IL12RB2: variants seen among roughly 807,000 people sequenced by gnomAD.
IL12RB2 encodes the protein interleukin-12 receptor subunit beta-2.
In IL12RB2, 82 loss-of-function variants were observed where a neutral mutation model predicts 89.4. The observed-to-expected ratio is 0.92, with a 90% confidence interval of 0.77 to 1.10. The LOEUF (loss-of-function observed/expected upper bound fraction) is 1.10, where lower values mean the gene tolerates loss of function less well. Among genes scored for constraint, IL12RB2 ranks in the 50% least tolerant of loss-of-function variants. The pLI, the probability that IL12RB2 is intolerant of heterozygous loss-of-function variation, is 0.00. For missense variants in IL12RB2, 963 were observed against 1,031.9 expected (o/e 0.93, Z 0.92); for synonymous variants, 368 against 370.1 (o/e 0.99, Z 0.07).
intron 10 of IL12RB2, among the ~76,000 whole-genome samples, chr1:67,366,066 A>G (rs575374838): frequency 1.3e-5 from 2 of 152,328 alleles, no homozygotes; most frequent in Admixed American, 6.5e-5. Flanking sequence ...AGGAAACCCA[A>G]TGGAAATGAG....
intron 1 of IL12RB2, among the ~76,000 whole-genome samples, chr1:67,313,269 T>G (rs1212667958): frequency 2.6e-5 from 4 of 152,332 alleles, no homozygotes; most frequent in Middle Eastern, 3.4e-3. Flanking sequence ...TTTCATCCTC[T>G]TTTGAGGGAG....
At chr1:67,362,909 G>GTTT (rs35903943) in intron 10 of IL12RB2, among the ~76,000 whole-genome samples, 1 of 146,524 alleles carries the variant, frequency 6.8e-6, no homozygotes, top group African/African-American at 2.5e-5. Context: ...TTAATTACTC[G>GTTT]TTTTTTTTTT....
rs917629107 is a variant in IL12RB2 at position 67,321,871 on chromosome 1, G to A, written c.346G>A (p.Ala116Thr). ...INSDEIQICG[A>T]EIFVGVAPEQ... is the part of the protein sequence containing the mutation. ...TAGTGATGAAATTCAAATATGTGGA[G>A]CAGAGATCTTCGTTGGTGGTGAGCA... The change falls in exon 4 of 17, where the codon GCA (alanine) becomes ACA (threonine). Residue 116 changes from alanine to threonine, a missense_variant. Coordinates refer to ENST00000674203, the MANE Select transcript of IL12RB2 (RefSeq NM_001374259.2). The A allele has an allele frequency of 6.2e-7, 1 of 1,613,752 alleles. No homozygotes were observed. Among genetic ancestry groups the A allele is most frequent in the African/African-American group, 1.3e-5 (1 of 74,904 alleles).
chr1:67,338,309 C>T (rs1461979550), intron 8 of IL12RB2, among the ~76,000 whole-genome samples: 7 of 110,504 alleles, frequency 6.3e-5, no homozygotes, highest in Non-Finnish European at 1.0e-4. Context: ...TGCATTCCAG[C>T]CGAGGCAACA....
At chr1:67,312,021 A>G (rs1655129143) in intron 1 of IL12RB2, among the ~76,000 whole-genome samples, 2 of 152,220 alleles carry the variant, frequency 1.3e-5, no homozygotes, top group Non-Finnish European at 2.9e-5. Context: ...TGAGGATGTC[A>G]AAGAAAAAAC....
rs1655436879 is a variant in IL12RB2 at position 67,314,004 on chromosome 1, A to C, written c.-37+4A>C. ...GCTACCAGTAAAACATATCTCTGTA[A>C]GTAGCTTTGCAGGCAGAAGGGAAGA... On this transcript the variant is annotated splice_donor_region_variant and intron_variant, in intron 2 of 16. Coordinates refer to ENST00000674203, the MANE Select transcript of IL12RB2 (RefSeq NM_001374259.2). 6.6e-6 allele frequency: 1 copy of C among 152,196 alleles called. No individual in the cohort carries two copies. The highest frequency in any genetic ancestry group is 2.1e-4 in the South Asian group (1 of 4,828). 9.4% of individuals were successfully genotyped at this position (152,196 alleles called of 1,614,324 possible). A position where few individuals can be genotyped will look rare whatever the true frequency, so the allele number is the denominator to read the frequency against.
intron 13 of IL12RB2, among the ~76,000 whole-genome samples, chr1:67,373,445 C>T (rs1445594845): frequency 6.6e-6 from 1 of 152,176 alleles, no homozygotes; most frequent in East Asian, 1.9e-4. Context: ...CAAGAAATGC[C>T]TCTGGAGAAC....
chr1:67,375,475 T>C (rs1663857986), intron 13 of IL12RB2, among the ~76,000 whole-genome samples: 1 of 152,154 alleles, frequency 6.6e-6, no homozygotes, highest in Admixed American at 6.5e-5. Context: ...CTTATTGCAT[T>C]TGGCAACCAG....
At chr1:67,311,150 GCT>G (rs1483331450) in intron 1 of IL12RB2, among the ~76,000 whole-genome samples, 1 of 152,328 alleles carries the variant, frequency 6.6e-6, no homozygotes, top group East Asian at 1.9e-4. Flanking sequence ...CGGATCCACT[GCT>G]CTTTTCATTA....
intron 9 of IL12RB2, among the ~76,000 whole-genome samples, chr1:67,350,039 G>C (rs754123228): frequency 1.5e-4 from 23 of 152,310 alleles, no homozygotes; most frequent in Non-Finnish European, 2.8e-4. Flanking sequence ...AACACAGCCG[G>C]AGGCCCCCCA....
At chr1:67,361,091 A>G (rs1661990772) in intron 10 of IL12RB2, among the ~76,000 whole-genome samples, 1 of 152,210 alleles carries the variant, frequency 6.6e-6, no homozygotes, top group Admixed American at 6.5e-5. Context: ...AGTTCCCAGT[A>G]CAGGAGCACA....
At position 67,396,015 on chromosome 1, in the gene IL12RB2, C is replaced by G. The variant is rs1249159024; in HGVS notation, c.2515C>G (p.Pro839Ala). 1.2e-6 allele frequency: 2 copies of G among 1,604,254 alleles called. No homozygotes were observed. Among genetic ancestry groups the G allele is most frequent in the Non-Finnish European group, 1.7e-6 (2 of 1,170,966 alleles). The change falls in exon 17 of 17, where the codon CCA (proline) becomes GCA (alanine). Residue 839 changes from proline (P) to alanine (A), a missense_variant. Pro to Ala is a conservative substitution (Grantham distance 27). Coordinates refer to ENST00000674203, the MANE Select transcript of IL12RB2 (RefSeq NM_001374259.2). ...LSVFPSSSLH[P>A]LTFSCGDKLT... is the part of the protein sequence containing the mutation. ...TGTTTTCCCCTCAAGTTCTCTTCAC[C>G]CACTCACCTTCTCCTGTGGTGATAA...
chr1:67,313,019 G>A (rs1020205673), intron 1 of IL12RB2, among the ~76,000 whole-genome samples: 2 of 152,270 alleles, frequency 1.3e-5, no homozygotes, highest in Non-Finnish European at 2.9e-5. Flanking sequence ...TATGAATGGG[G>A]CCGGTTTGAT....
At chr1:67,342,429 AGAG>A (rs1251263021) in intron 9 of IL12RB2, among the ~76,000 whole-genome samples, 1 of 152,098 alleles carries the variant, frequency 6.6e-6, no homozygotes, top group African/African-American at 2.4e-5. Context: ...TGTTTACAAT[AGAG>A]GAGAACAACT....
rs146243804 is a variant in IL12RB2 at position 67,321,744 on chromosome 1, T to G, written c.219T>G (p.Phe73Leu). 5.0e-6 allele frequency: 8 copies of G among 1,613,118 alleles called. No individual in the cohort carries two copies. The African/African-American group carries it at 1.1e-4, about 22-fold the overall frequency. ...SRRNKLILYK[F>L]DRRINFHHGH... is the part of the protein sequence containing the mutation. ...GTAACAAGTTAATCCTGTACAAGTT[T>G]GACAGAAGAATCAATTTTCACCATG... is the stretch of plus-strand genomic sequence containing the variant. The change falls in exon 4 of 17, where the codon TTT (phenylalanine) becomes TTG (leucine). Residue 73 changes from phenylalanine to leucine, a missense_variant. Phe to Leu is a conservative substitution (Grantham distance 22). Transcript: ENST00000674203.
intron 7 of IL12RB2, 21 bp from the exon 8 acceptor site, chr1:67,330,639 T>C: frequency 1.5e-6 from 2 of 1,331,332 alleles, no homozygotes; most frequent in Non-Finnish European, 2.2e-6. Flanking sequence ...ATAGGCACTT[T>C]AAAAAAATGT....
intron 10 of IL12RB2, among the ~76,000 whole-genome samples, chr1:67,355,318 G>A (rs577129846): frequency 2.0e-5 from 3 of 151,646 alleles, no homozygotes; most frequent in African/African-American, 4.9e-5. Flanking sequence ...GGAGGCTGAG[G>A]CAGGAGAATC....
At chr1:67,348,987 T>C (rs568603358) in intron 9 of IL12RB2, among the ~76,000 whole-genome samples, 5 of 152,228 alleles carry the variant, frequency 3.3e-5, no homozygotes, top group African/African-American at 1.2e-4. Context: ...AAGGGGAAAA[T>C]GTAAGAGTCT....
intron 1 of IL12RB2, among the ~76,000 whole-genome samples, chr1:67,308,786 A>G (rs967951332): frequency 2.0e-5 from 3 of 152,098 alleles, no homozygotes; most frequent in Non-Finnish European, 4.4e-5. Flanking sequence ...TTGGGAGGCC[A>G]AGGTGGGCAG....
Sources: allele counts gnomAD v4.1 joint callset (sites outside exome capture counted in the v4.1 genomes callset), GRCh38; gene constraint gnomAD v4.1.1; transcripts MANE v1.5; gene names NCBI Gene and HGNC (gene_info 2026-07-23, HGNC 2026-07-21).